Variants in AFAP1 observed in about 807,000 individuals in gnomAD.
AFAP1 encodes the protein actin filament associated protein 1, also known as actin filament-associated protein 1.
Under a neutral mutation model 93.9 loss-of-function variants are expected in AFAP1, and 75 were observed. That is an observed-to-expected ratio of 0.80 (90% CI 0.66 to 0.97). AFAP1 has a LOEUF of 0.97. Ranked by LOEUF, AFAP1 falls within the 50% of genes least tolerant of loss-of-function variation. The pLI is 0.00. For synonymous variants in AFAP1, 517 were observed against 430.7 expected (o/e 1.20, Z -2.48); for missense variants, 1,201 against 1,050.8 (o/e 1.14, Z -1.98).
intron 4 of AFAP1, among the ~76,000 whole-genome samples, chr4:7,851,637 A>G (rs568926902): frequency 2.0e-5 from 3 of 152,288 alleles, no homozygotes; most frequent in South Asian, 2.1e-4. Context: ...GGGCTCACGT[A>G]TATGTGGACA....
intron 14 of AFAP1, chr4:7,776,989 A>C (rs992222079): frequency 6.6e-6 from 1 of 152,192 alleles, no homozygotes; most frequent in African/African-American, 2.4e-5. Context: ...TTTTGTCACC[A>C]TTAGACGTCA....
chr4:7,893,538 G>A (rs1005680171), intron 1 of AFAP1, among the ~76,000 whole-genome samples: 7 of 132,800 alleles, frequency 5.3e-5, no homozygotes, highest in South Asian at 2.4e-4. Flanking sequence ...CCGAGATCAC[G>A]CCACTGCACT....
chr4:7,915,371 C>G (rs908796872), intron 1 of AFAP1, among the ~76,000 whole-genome samples: 1 of 143,202 alleles, frequency 7.0e-6, no homozygotes, highest in African/African-American at 2.7e-5. Flanking sequence ...AACGTCTGTT[C>G]GGTTGGGTGT....
intron 1 of AFAP1, among the ~76,000 whole-genome samples, chr4:7,900,328 T>C (rs1011250121): frequency 1.6e-4 from 9 of 55,886 alleles, no homozygotes; most frequent in African/African-American, 5.2e-4. Context: ...TGTTCCTTTG[T>C]GCGCATCTAG....
intron 10 of AFAP1, chr4:7,799,174 G>T: frequency 1.3e-6 from 1 of 782,884 alleles, no homozygotes; most frequent in Non-Finnish European, 1.6e-6. Flanking sequence ...GCTGAGACTG[G>T]AACCCAGCTG....
At position 7,863,187 on chromosome 4, in the gene AFAP1, G is replaced by A. The variant is rs531579853; in HGVS notation, c.225+5435C>T. On this transcript the variant is annotated intron_variant, in intron 3 of 17. Coordinates refer to ENST00000420658, the MANE Select transcript of AFAP1 (RefSeq NM_001134647.2). ...TCCTAACAGTTTAGGAGGCCGGGGT[G>A]TGTGGACTGCCTGAGCCCAGGAGTT... 5.9e-5 allele frequency among the ~76,000 whole-genome samples: 9 copies of A among 152,338 alleles called. No individual in the cohort carries two copies. The South Asian group carries it at 1.9e-3, about 32-fold the overall frequency.
chr4:7,774,541 G>GC lies in AFAP1; in HGVS notation c.2062+197dup, dbSNP rs902918972. ...TGGCCCTGGCCTCTGCCTGCACGCC[G>GC]CATGTTTGACCACACAGGCACCTGC... is the stretch of plus-strand genomic sequence containing the variant. On this transcript the variant is annotated intron_variant, in intron 15 of 17. Transcript: ENST00000420658. 54 of 791,778 alleles carry GC rather than the reference G, an allele frequency of 6.8e-5. No homozygotes were observed. The African/African-American group carries it at 8.6e-4, about 13-fold the overall frequency. The allele number at this position is 791,778 out of a possible 1,614,324, so 49.0% of individuals were successfully genotyped here.
At chr4:7,824,388 A>AC (rs1258145385) in intron 6 of AFAP1, among the ~76,000 whole-genome samples, 3 of 150,944 alleles carry the variant, frequency 2.0e-5, no homozygotes, top group African/African-American at 7.3e-5. Flanking sequence ...CTTCTGTTTG[A>AC]CCCCTACACA....
At chr4:7,882,431 T>A (rs568399733) in intron 1 of AFAP1, among the ~76,000 whole-genome samples, 2 of 151,230 alleles carry the variant, frequency 1.3e-5, no homozygotes, top group Non-Finnish European at 2.9e-5. Context: ...AAATGTGATA[T>A]CTAAACCGAA....
chr4:7,852,667 C>A (rs796787135), intron 4 of AFAP1, among the ~76,000 whole-genome samples: 4 of 152,150 alleles, frequency 2.6e-5, no homozygotes, highest in African/African-American at 9.6e-5. Flanking sequence ...TTGCTGGGGG[C>A]ACCGGGAATA....
chr4:7,875,622 A>G (rs1474856070), intron 1 of AFAP1, among the ~76,000 whole-genome samples: 1 of 149,930 alleles, frequency 6.7e-6, no homozygotes, highest in Non-Finnish European at 1.5e-5. Flanking sequence ...CTGACTCTCA[A>G]AAAAAAAATG....
chr4:7,765,833 C>T (rs534537510), intron 17 of AFAP1, among the ~76,000 whole-genome samples: 1 of 152,170 alleles, frequency 6.6e-6, no homozygotes, highest in South Asian at 2.1e-4. Context: ...ACGTGAGTCC[C>T]ACCAAGGACT....
rs1426045669 is a variant in AFAP1 at position 7,793,816 on chromosome 4, G to T, written c.1277C>A (p.Ser426Tyr). 6.5e-7 allele frequency: 1 copy of T among 1,540,884 alleles called. No individual in the cohort carries two copies. The highest frequency in any genetic ancestry group is 8.9e-7 in the Non-Finnish European group (1 of 1,128,076). The stretch of plus-strand genomic sequence containing the variant: ...CCCAATCCACCTGCCCATGTCTTCA[G>T]AAGAAGATGCCTGTTGAAGTGGGAA... Reference protein sequence around the residue: ...QEVAVLEASSSEDMGRWIGIL... With the variant: ...QEVAVLEASSYEDMGRWIGIL... Residue 426 changes from serine to tyrosine, a missense_variant, in exon 11 of 18, where the codon TCT becomes TAT. Ser to Tyr is a moderately radical substitution (Grantham distance 144). Transcript: ENST00000420658.
intron 6 of AFAP1, among the ~76,000 whole-genome samples, chr4:7,824,017 T>A (rs1560181779): frequency 6.6e-6 from 1 of 152,154 alleles, no homozygotes; most frequent in East Asian, 1.9e-4. Flanking sequence ...GTCGGAGAGG[T>A]CAGGTTATTT....
At chr4:7,865,723 G>A (rs1030289832) in intron 3 of AFAP1, among the ~76,000 whole-genome samples, 6 of 152,204 alleles carry the variant, frequency 3.9e-5, no homozygotes, top group African/African-American at 1.4e-4. Flanking sequence ...CTCTTCATCT[G>A]AAACTGGCAT....
chr4:7,910,957 A>G (rs1719690043), intron 1 of AFAP1, among the ~76,000 whole-genome samples: 1 of 152,102 alleles, frequency 6.6e-6, no homozygotes, highest in African/African-American at 2.4e-5. Context: ...CGAGGGGTGG[A>G]TCTTCTTCCT....
intron 6 of AFAP1, among the ~76,000 whole-genome samples, chr4:7,829,446 G>A (rs1211544759): frequency 2.0e-5 from 3 of 152,200 alleles, no homozygotes; most frequent in Non-Finnish European, 4.4e-5. Context: ...AAAAGGAAAT[G>A]GGGGTGCTGA....
At chr4:7,862,214 T>C (rs539424245) in intron 3 of AFAP1, 1 of 152,290 alleles carries the variant, frequency 6.6e-6, no homozygotes, top group South Asian at 2.1e-4. Flanking sequence ...ACATCTGTAG[T>C]CCCAGCTACT....
intron 1 of AFAP1, among the ~76,000 whole-genome samples, chr4:7,879,371 A>G (rs186893630): frequency 1.2e-4 from 18 of 152,268 alleles, no homozygotes; most frequent in South Asian, 4.1e-4. Context: ...GCAGCAAGCT[A>G]ACAAGAGCCA....
Sources: allele counts gnomAD v4.1 joint callset (sites outside exome capture counted in the v4.1 genomes callset), GRCh38; gene constraint gnomAD v4.1.1; transcripts MANE v1.5; gene names NCBI Gene and HGNC (gene_info 2026-07-23, HGNC 2026-07-21).